SYN2: variants seen among roughly 807,000 people sequenced by gnomAD.
SYN2 encodes the protein synapsin-2.
In SYN2, 19 loss-of-function variants were observed where a neutral mutation model predicts 50.9. That is an observed-to-expected ratio of 0.37 (90% CI 0.26 to 0.55). The LOEUF is 0.55. Among genes scored for constraint, SYN2 ranks in the 20% least tolerant of loss-of-function variants. The probability of loss-of-function intolerance (pLI) is 0.81; values close to 1 mark genes in which losing one functional copy is unlikely to be tolerated. For missense variants in SYN2, 587 were observed against 576.4 expected, an observed-to-expected ratio of 1.02 and a Z score of -0.19; for synonymous variants, 255 against 224.9, an observed-to-expected ratio of 1.13 and a Z score of -1.20.
intron 5 of SYN2, chr3:12,154,190 T>C (rs1697384477): frequency 1.5e-6 from 2 of 1,315,488 alleles, no homozygotes; most frequent in Non-Finnish European, 1.1e-6. Flanking sequence ...GCCTATAGAC[T>C]GTATTGCTTT....
Position 12,190,794 on chromosome 3 carries a change from C to G in SYN2, c.*169C>G, listed in dbSNP as rs1048040286. The G allele has an allele frequency of 7.2e-7, 1 of 1,385,082 alleles. No individual in the cohort carries two copies. Among genetic ancestry groups the G allele is most frequent in the Non-Finnish European group, 9.3e-7 (1 of 1,076,614 alleles). The allele number at this position is 1,385,082 out of a possible 1,614,324, so 85.8% of individuals were successfully genotyped here. On this transcript the variant is annotated 3_prime_UTR_variant, in exon 13 of 13. Transcript: ENST00000621198. Reference sequence around the variant, plus strand: ...GTGCAGCCCAGAAAGGACCATTTGACAGTCTCAGGGCAGGTGCCTACCCAG... The same window carrying G: ...GTGCAGCCCAGAAAGGACCATTTGAGAGTCTCAGGGCAGGTGCCTACCCAG...
chr3:12,007,515 A>G lies in SYN2; in HGVS notation c.377+2587A>G, dbSNP rs187762597. Among the ~76,000 whole-genome samples, 27 of 152,344 alleles carry G rather than the reference A, an allele frequency of 1.8e-4. 1 individual carries two copies. The highest frequency in any genetic ancestry group is 3.3e-4 in the Admixed American group (5 of 15,304). ...AGTGACTTACACAGGTGATTTTTGC[A>G]CTGAAGACTGATTTTAGTAAAATTG... On this transcript the variant is annotated intron_variant, in intron 1 of 12. Transcript: ENST00000621198.
chr3:12,156,780 A>G, intron 5 of SYN2: 17 of 1,446,030 alleles, frequency 1.2e-5, no homozygotes, highest in Non-Finnish European at 1.7e-5. Context: ...CTAGGGCAGA[A>G]TCTATTATAT....
intron 2 of SYN2, 90 bp downstream of exon 2, chr3:12,140,798 A>G (rs1046455467): frequency 5.6e-6 from 4 of 715,556 alleles, no homozygotes; most frequent in Non-Finnish European, 1.0e-5. Flanking sequence ...GCTGAGTGGA[A>G]TACTGTGTCC....
chr3:12,144,419 G>A (rs1234997813), intron 3 of SYN2, among the ~76,000 whole-genome samples: 1 of 152,180 alleles, frequency 6.6e-6, no homozygotes. Context: ...TTAAGGAGCA[G>A]CTTTAAGGAG....
At chr3:12,057,287 C>CTGTGTGTGTGTGTGTGTGTGTGTG (rs59286785) in intron 1 of SYN2, among the ~76,000 whole-genome samples, 2 of 133,908 alleles carry the variant, frequency 1.5e-5, no homozygotes, top group African/African-American at 2.8e-5. Flanking sequence ...GCAAGACTGT[C>CTGTGTGTGTGTGTGTGTGTGTGTG]TGTGTGTGTG....
chr3:12,162,223 A>G (rs1697671372), intron 7 of SYN2, 69 bp downstream of exon 7: 1 of 1,562,098 alleles, frequency 6.4e-7, no homozygotes, highest in South Asian at 1.2e-5. Context: ...ATTGCAGCCA[A>G]CTCTCAGATA....
At chr3:12,111,110 G>C (rs1574946443) in intron 1 of SYN2, among the ~76,000 whole-genome samples, 1 of 152,278 alleles carries the variant, frequency 6.6e-6, no homozygotes, top group Middle Eastern at 3.4e-3. Flanking sequence ...TGTTGTGGGA[G>C]GGACCCAGTA....
intron 1 of SYN2, among the ~76,000 whole-genome samples, chr3:12,065,555 G>A (rs1035865903): frequency 6.6e-6 from 1 of 152,132 alleles, no homozygotes; most frequent in Admixed American, 6.5e-5. Context: ...TCAGCAAAAT[G>A]TATGCAGCTG....
intron 1 of SYN2, among the ~76,000 whole-genome samples, chr3:12,041,787 A>G (rs1030103058): frequency 2.6e-5 from 4 of 152,280 alleles, no homozygotes; most frequent in East Asian, 1.9e-4. Flanking sequence ...TTTAGCTTTG[A>G]AATTTGTTAT....
chr3:12,070,357 G>C, intron 1 of SYN2: 2 of 513,404 alleles, frequency 3.9e-6, no homozygotes, highest in Non-Finnish European at 3.9e-6. Context: ...GGGCACGATG[G>C]TGGGCATGGG....
At chr3:12,183,837 A>T (rs1698279781) in intron 11 of SYN2, 1 of 1,029,190 alleles carries the variant, frequency 9.7e-7, no homozygotes, top group African/African-American at 1.7e-5. Context: ...AAGAAAACCC[A>T]ACTCCTCTCC....
chr3:12,191,754 A>G lies in SYN2; in HGVS notation c.*1129A>G, dbSNP rs559438300. ...AGAACCCTTGCTCCCGGAGGAGTCA[A>G]TTTAGACTCACTTGCCTGGTCTATC... is the stretch of plus-strand genomic sequence containing the variant. On this transcript the variant is annotated 3_prime_UTR_variant, in exon 13 of 13. Coordinates refer to ENST00000621198, the MANE Select transcript of SYN2 (RefSeq NM_133625.6). 2.6e-5 allele frequency among the ~76,000 whole-genome samples: 4 copies of G among 152,150 alleles called. No individual in the cohort carries two copies. The highest frequency in any genetic ancestry group is 4.4e-5 in the Non-Finnish European group (3 of 68,010).
intron 1 of SYN2, among the ~76,000 whole-genome samples, chr3:12,017,483 T>G (rs990583952): frequency 5.3e-5 from 8 of 152,194 alleles, no homozygotes; most frequent in Non-Finnish European, 1.0e-4. Flanking sequence ...TAACAATTTG[T>G]TCCATATTTC....
At chr3:12,184,850 G>A in intron 11 of SYN2, 1 of 985,726 alleles carries the variant, frequency 1.0e-6, no homozygotes, top group Non-Finnish European at 1.2e-6. Flanking sequence ...AAACACCATG[G>A]TCCGTGGAAG....
intron 1 of SYN2, among the ~76,000 whole-genome samples, chr3:12,009,489 A>G (rs944099960): frequency 3.3e-5 from 5 of 152,206 alleles, no homozygotes; most frequent in African/African-American, 1.2e-4. Context: ...CTGAATCATC[A>G]TCTAGCCTAG....
chr3:12,122,565 T>C (rs1238795505), intron 1 of SYN2, among the ~76,000 whole-genome samples: 1 of 152,088 alleles, frequency 6.6e-6, no homozygotes, highest in Non-Finnish European at 1.5e-5. Context: ...AAGTGGCAGA[T>C]AGGAAAAAAA....
intron 10 of SYN2, among the ~76,000 whole-genome samples, chr3:12,181,163 G>A (rs1439623139): frequency 1.3e-5 from 2 of 152,198 alleles, no homozygotes; most frequent in African/African-American, 4.8e-5. Context: ...ACTGGCCCTG[G>A]TTCTGCTCTT....
chr3:12,104,497 T>C (rs1696137904), intron 1 of SYN2, among the ~76,000 whole-genome samples: 1 of 151,396 alleles, frequency 6.6e-6, no homozygotes. Context: ...TGGGCACATA[T>C]ACAGGGCTGT....
Sources: gnomAD v4.1 joint callset for allele counts (sites outside exome capture counted in the v4.1 genomes callset) on GRCh38, gnomAD v4.1.1 for gene constraint, MANE v1.5 for transcripts, NCBI Gene and HGNC (gene_info 2026-07-23, HGNC 2026-07-21) for gene names.